The following SASH1 variants were observed in gnomAD, a reference collection of about 807,000 sequenced individuals.
SASH1 encodes the protein SAM and SH3 domain-containing protein 1.
Under a neutral mutation model 125.2 loss-of-function variants are expected in SASH1, and 44 were observed. The ratio of observed to expected loss-of-function variants is 0.35; its 90% confidence interval spans 0.28 to 0.45. SASH1 has a LOEUF of 0.45. Ranked by LOEUF, SASH1 falls within the 20% of genes least tolerant of loss-of-function variation. The probability of loss-of-function intolerance (pLI) is 1.00; values close to 1 mark genes in which losing one functional copy is unlikely to be tolerated. For missense variants in SASH1, 1,426 were observed against 1,614.5 expected (o/e 0.88, Z 2.00); for synonymous variants, 639 against 649.1 (o/e 0.98, Z 0.24).
intron 7 of SASH1, among the ~76,000 whole-genome samples, chr6:148,477,181 AAGTACAGGC>A (rs1778400592): frequency 6.6e-6 from 1 of 152,226 alleles, no homozygotes; most frequent in Non-Finnish European, 1.5e-5. Flanking sequence ...GATATCCTAA[AAGTACAGGC>A]AGCTAAAACA....
chr6:148,446,726 G>T (rs1342417735), intron 4 of SASH1, among the ~76,000 whole-genome samples: 1 of 152,136 alleles, frequency 6.6e-6, no homozygotes, highest in Non-Finnish European at 1.5e-5. Context: ...TATGTGCCAG[G>T]AACTGAGCTA....
At chr6:148,515,972 T>C (rs1382282147) in intron 9 of SASH1, among the ~76,000 whole-genome samples, 1 of 152,224 alleles carries the variant, frequency 6.6e-6, no homozygotes, top group East Asian at 1.9e-4. Context: ...ATGATAGTGG[T>C]GTGTTAAAGC....
At chr6:148,487,098 C>CAT (rs1178429905) in intron 7 of SASH1, among the ~76,000 whole-genome samples, 4 of 134,232 alleles carry the variant, frequency 3.0e-5, no homozygotes, top group African/African-American at 1.1e-4. Context: ...TATATACACA[C>CAT]ACACACACAC....
At chr6:148,485,364 A>G (rs1193502539) in intron 7 of SASH1, among the ~76,000 whole-genome samples, 1 of 152,224 alleles carries the variant, frequency 6.6e-6, no homozygotes, top group Non-Finnish European at 1.5e-5. Flanking sequence ...TGTAATGGAA[A>G]TATTAAAGTG....
chr6:148,504,417 C>A (rs1274999106), intron 8 of SASH1, among the ~76,000 whole-genome samples: 2 of 152,140 alleles, frequency 1.3e-5, no homozygotes, highest in African/African-American at 4.8e-5. Context: ...TTCCAAGGAG[C>A]TAATGAGGAC....
the SASH1 span, among the ~76,000 whole-genome samples, chr6:148,212,478 A>C: frequency 8.2e-3 from 1,254 of 152,318 alleles, 20 homozygotes; most frequent in African/African-American, 0.029. Flanking sequence ...GATGCTCTGA[A>C]AGCTGAACAT....
At chr6:148,448,113 A>AGTGTGTGTGT (rs113367122) in intron 4 of SASH1, among the ~76,000 whole-genome samples, 20 of 133,204 alleles carry the variant, frequency 1.5e-4, no homozygotes, top group African/African-American at 5.4e-4. Context: ...TGCAGTGGAG[A>AGTGTGTGTGT]GAGTGTGTGT....
intron 1 of SASH1, among the ~76,000 whole-genome samples, chr6:148,295,370 C>G (rs1779739669): frequency 6.6e-6 from 1 of 152,074 alleles, no homozygotes; most frequent in Non-Finnish European, 1.5e-5. Flanking sequence ...TGCTTTGTCC[C>G]CAAAATTCTG....
chr6:148,216,059 A>T, the SASH1 span, among the ~76,000 whole-genome samples: 1 of 152,042 alleles, frequency 6.6e-6, no homozygotes, highest in Non-Finnish European at 1.5e-5. Context: ...AGATTTCACC[A>T]TGTTGGCCAG....
rs189569983 is a variant in SASH1 at position 148,434,941 on chromosome 6, A to G, written c.286-5243A>G. On this transcript the variant is annotated intron_variant, in intron 2 of 19. Transcript: ENST00000367467. Reference sequence around the variant, plus strand: ...AGGATGTAGCCAGGTGCAGGGGCTTATGCCTGTAATCCCAGCACTTTTAGA... The same window carrying G: ...AGGATGTAGCCAGGTGCAGGGGCTTGTGCCTGTAATCCCAGCACTTTTAGA... Among the ~76,000 whole-genome samples the G allele has an allele frequency of 2.3e-3, 349 of 152,286 alleles. 2 individuals carry two copies. Among genetic ancestry groups the G allele is most frequent in the African/African-American group, 7.7e-3 (321 of 41,564 alleles).
Position 148,534,774 on chromosome 6 carries a change from C to T in SASH1, c.1968C>T (p.Phe656=). Reference sequence around the variant, plus strand: ...AGGAGCACATGCCCACTTTCCTGTTCAATGGATATGAAGATTTGGACACCT... The same window carrying T: ...AGGAGCACATGCCCACTTTCCTGTTTAATGGATATGAAGATTTGGACACCT... ...NLKEHMPTFL[F]NGYEDLDTFK... The change falls in exon 16 of 20, where the codon TTC becomes TTT. Residue 656 remains phenylalanine, a synonymous_variant. Coordinates refer to ENST00000367467, the MANE Select transcript of SASH1 (RefSeq NM_015278.5). The T allele has an allele frequency of 6.2e-7, 1 of 1,614,184 alleles. No individual in the cohort carries two copies. The highest frequency in any genetic ancestry group is 8.5e-7 in the Non-Finnish European group (1 of 1,180,038).
At chr6:148,508,064 C>T (rs975087403) in intron 8 of SASH1, among the ~76,000 whole-genome samples, 10 of 152,248 alleles carry the variant, frequency 6.6e-5, no homozygotes, top group East Asian at 1.9e-4. Context: ...CTCATGCTCA[C>T]GTTTCTAGAA....
intron 2 of SASH1, among the ~76,000 whole-genome samples, chr6:148,392,833 C>T (rs997664862): frequency 6.6e-6 from 1 of 152,170 alleles, no homozygotes. Flanking sequence ...TTTCTTTTAA[C>T]TTTGTTCCTT....
intron 2 of SASH1, among the ~76,000 whole-genome samples, chr6:148,401,798 G>GT (rs1377627898): frequency 2.7e-5 from 4 of 150,798 alleles, no homozygotes; most frequent in Admixed American, 6.6e-5. Flanking sequence ...GGGGGTGTAT[G>GT]TTTTTTTTTA....
chr6:148,496,027 T>C (rs1426969799), intron 8 of SASH1, among the ~76,000 whole-genome samples: 2 of 151,668 alleles, frequency 1.3e-5, no homozygotes, highest in African/African-American at 4.8e-5. Flanking sequence ...TTGTATTTTT[T>C]AGTAGAGACA....
chr6:148,478,868 A>G (rs1778486264), intron 7 of SASH1: 2 of 169,242 alleles, frequency 1.2e-5, no homozygotes, highest in Non-Finnish European at 2.7e-5. Flanking sequence ...CAAAATGCTC[A>G]TCATATGTTT....
intron 1 of SASH1, among the ~76,000 whole-genome samples, chr6:148,316,511 C>T (rs1425486281): frequency 6.6e-6 from 1 of 152,244 alleles, no homozygotes; most frequent in Admixed American, 6.5e-5. Flanking sequence ...CAGCACACGG[C>T]CCGCTTCAGG....
Position 148,387,516 on chromosome 6 carries a change from C to CTTCTTTCT in SASH1, c.157-2608_157-2601dup, listed in dbSNP as rs139571359. On this transcript the variant is annotated intron_variant, in intron 1 of 19. Coordinates refer to ENST00000367467, the MANE Select transcript of SASH1 (RefSeq NM_015278.5). ...TCTCTCTTCTCTCTCTTTCTTTTTC[C>CTTCTTTCT]TTCTTTCTTTCTTTCTTCTTTCTTT... 2.2e-5 allele frequency among the ~76,000 whole-genome samples: 3 copies of CTTCTTTCT among 136,084 alleles called. 1 individual carries two copies. The highest frequency in any genetic ancestry group is 8.6e-5 in the African/African-American group (3 of 35,080). The allele number at this position is 136,084 out of a possible 152,430, so 89.3% of individuals were successfully genotyped here. A position where few individuals can be genotyped will look rare whatever the true frequency, so the allele number is the denominator to read the frequency against.
chr6:148,254,056 A>G, the SASH1 span, among the ~76,000 whole-genome samples: 13 of 151,992 alleles, frequency 8.6e-5, no homozygotes, highest in African/African-American at 2.7e-4. Context: ...AAATACAAAA[A>G]TTAACTGGGC....
Sources: allele counts gnomAD v4.1 joint callset (sites outside exome capture counted in the v4.1 genomes callset), GRCh38; gene constraint gnomAD v4.1.1; transcripts MANE v1.5; gene names NCBI Gene and HGNC (gene_info 2026-07-23, HGNC 2026-07-21).